The following RALY variants were observed in gnomAD, a reference collection of about 807,000 sequenced individuals.
RALY encodes the protein RNA-binding protein Raly.
Under a neutral mutation model 30.7 loss-of-function variants are expected in RALY, and 15 were observed. The ratio of observed to expected loss-of-function variants is 0.49; its 90% CI spans 0.33 to 0.75. The LOEUF is 0.75. Ranked by LOEUF, RALY falls within the 30% of genes least tolerant of loss-of-function variation. The probability of loss-of-function intolerance (pLI) is 0.02; values close to 1 mark genes in which losing one functional copy is unlikely to be tolerated. For synonymous variants in RALY, 177 were observed against 170.8 expected (o/e 1.04, Z -0.28); for missense variants, 339 against 414.3 (o/e 0.82, Z 1.58).
At chr20:34,029,478 AAGGGAGGGAGGGAGGG>A (rs3831778) in intron 1 of RALY, among the ~76,000 whole-genome samples, 17 of 56,182 alleles carry the variant, frequency 3.0e-4, no homozygotes, top group South Asian at 2.7e-3. Flanking sequence ...GGAGGGAGGA[AAGGGAGGGAGGGAGGG>A]AGGGAGGGAG....
chr20:34,025,686 TAA>T (rs1333077710), intron 1 of RALY, among the ~76,000 whole-genome samples: 90 of 144,842 alleles, frequency 6.2e-4, no homozygotes, highest in African/African-American at 2.0e-3. Context: ...CATGCTATTT[TAA>T]AAAAAAAAAA....
At chr20:34,039,370 T>C (rs1163801751) in intron 2 of RALY, among the ~76,000 whole-genome samples, 2 of 152,216 alleles carry the variant, frequency 1.3e-5, no homozygotes, top group Non-Finnish European at 2.9e-5. Flanking sequence ...AGGACCCAGA[T>C]TGTGCTCTAT....
intron 2 of RALY, among the ~76,000 whole-genome samples, chr20:34,059,249 G>A (rs2033346575): frequency 6.6e-6 from 1 of 152,196 alleles, no homozygotes; most frequent in Non-Finnish European, 1.5e-5. Context: ...GAGAAGGATT[G>A]TTGTAATGAG....
At chr20:34,045,184 G>C (rs1174551404) in intron 2 of RALY, among the ~76,000 whole-genome samples, 1 of 152,054 alleles carries the variant, frequency 6.6e-6, no homozygotes, top group African/African-American at 2.4e-5. Context: ...CAAAATGTTG[G>C]GATTACAGGT....
chr20:34,061,729 ATCT>A (rs1221598553), intron 2 of RALY, among the ~76,000 whole-genome samples: 1 of 152,220 alleles, frequency 6.6e-6, no homozygotes, highest in Non-Finnish European at 1.5e-5. Context: ...GTATTATTTA[ATCT>A]TCTCCACAAT....
chr20:34,077,746 G>A (rs2033935467), intron 8 of RALY: 1 of 219,122 alleles, frequency 4.6e-6, no homozygotes, highest in Non-Finnish European at 9.2e-6. Context: ...GTGGGAGGGT[G>A]GACCAAACTC....
chr20:34,039,169 A>G (rs1216368805), intron 2 of RALY, among the ~76,000 whole-genome samples: 2 of 152,238 alleles, frequency 1.3e-5, no homozygotes, highest in African/African-American at 4.8e-5. Context: ...TTAAGCCTGC[A>G]GCAGGAACAG....
intron 2 of RALY, among the ~76,000 whole-genome samples, chr20:34,061,060 G>A (rs773997567): frequency 2.6e-5 from 4 of 152,186 alleles, no homozygotes; most frequent in Non-Finnish European, 5.9e-5. Flanking sequence ...GACAGAAAAT[G>A]AGAAAACCTT....
At chr20:34,037,700 G>A (rs1445240777) in intron 2 of RALY, among the ~76,000 whole-genome samples, 1 of 152,214 alleles carries the variant, frequency 6.6e-6, no homozygotes, top group Admixed American at 6.5e-5. Flanking sequence ...CCATTGGATA[G>A]TGTACAAATG....
At chr20:34,064,825 T>A (rs1233528204) in intron 2 of RALY, among the ~76,000 whole-genome samples, 1 of 152,192 alleles carries the variant, frequency 6.6e-6, no homozygotes, top group Non-Finnish European at 1.5e-5. Context: ...ACTCATATTA[T>A]CTCCAGTTCT....
Position 34,051,180 on chromosome 20 carries a change from G to A in RALY, c.-10+19576G>A, listed in dbSNP as rs568946521. 7.9e-5 allele frequency among the ~76,000 whole-genome samples: 12 copies of A among 152,230 alleles called. No homozygotes were observed. In the East Asian group the frequency reaches 2.3e-3, roughly 29 times the overall value. ...TACGTGTTACTGCTTTTGAACCTTA[G>A]AGCAACTCTGTGAGGGAAGCAGTGT... On this transcript the variant is annotated intron_variant, in intron 2 of 9. Coordinates refer to ENST00000246194, the MANE Select transcript of RALY (RefSeq NM_016732.3).
chr20:34,040,110 CAA>C (rs796083288), intron 2 of RALY, among the ~76,000 whole-genome samples: 1 of 134,830 alleles, frequency 7.4e-6, no homozygotes, highest in African/African-American at 2.7e-5. Flanking sequence ...GACCCCATCT[CAA>C]AAAAAAAAAA....
At chr20:34,072,955 TGTGTGA>T (rs1200603380) in intron 3 of RALY, among the ~76,000 whole-genome samples, 7 of 118,072 alleles carry the variant, frequency 5.9e-5, no homozygotes, top group African/African-American at 1.2e-4. Context: ...TGTGTGTGTG[TGTGTGA>T]GAGAGAGAAC....
intron 1 of RALY, among the ~76,000 whole-genome samples, chr20:34,014,780 T>G (rs894593258): frequency 9.8e-5 from 15 of 152,362 alleles, no homozygotes; most frequent in African/African-American, 3.4e-4. Context: ...TAGTCTTACA[T>G]TTAAACTTTT....
chr20:34,069,888 C>A (rs1265036138), intron 2 of RALY, among the ~76,000 whole-genome samples: 2 of 152,146 alleles, frequency 1.3e-5, no homozygotes, highest in Non-Finnish European at 2.9e-5. Context: ...ACCCTCTCAG[C>A]CCCTTTCCTT....
rs144571226 is a variant in RALY, at chr20:34,016,098, C to T, written c.-92-15424C>T. Among the ~76,000 whole-genome samples the T allele has an allele frequency of 5.8e-3, 885 of 152,316 alleles. 6 individuals are homozygous for T. The highest frequency in any genetic ancestry group is 9.0e-3 in the Non-Finnish European group (610 of 68,030). ...CTGCGCACAAGTCCTCCCCTCCACACATGCCCACATAATCTCTGCCCGTGC... is the reference window on the plus strand; with the variant it reads ...CTGCGCACAAGTCCTCCCCTCCACATATGCCCACATAATCTCTGCCCGTGC... On this transcript the variant is annotated intron_variant, in intron 1 of 9. Transcript: ENST00000246194.
At chr20:34,007,859 T>C (rs1043558166) in intron 1 of RALY, among the ~76,000 whole-genome samples, 5 of 150,030 alleles carry the variant, frequency 3.3e-5, no homozygotes, top group Non-Finnish European at 7.4e-5. Context: ...GGGCCTTAGC[T>C]TCTTTGTGAC....
intron 2 of RALY, among the ~76,000 whole-genome samples, chr20:34,035,544 A>G (rs2032462991): frequency 6.6e-6 from 1 of 151,888 alleles, no homozygotes; most frequent in South Asian, 2.1e-4. Context: ...GATATCCTAC[A>G]TTGGCTCTTT....
Position 34,076,575 on chromosome 20 carries a change from G to A in RALY, c.545-127G>A, listed in dbSNP as rs993908818. 5.1e-6 allele frequency: 4 copies of A among 779,146 alleles called. No individual in the cohort carries two copies. In the African/African-American group the frequency reaches 7.0e-5, roughly 14 times the overall value. 48.3% of individuals were successfully genotyped at this position (779,146 alleles called of 1,614,324 possible). A position where few individuals can be genotyped will look rare whatever the true frequency, so the allele number is the denominator to read the frequency against. On this transcript the variant is annotated intron_variant, in intron 6 of 9. Transcript: ENST00000246194. ...TCTAAGGAGGAGACCTTTTTCCTAA[G>A]CAGGGAAAAAACAAAACAAAACAAA...
Sources: gnomAD v4.1 joint callset for allele counts (sites outside exome capture counted in the v4.1 genomes callset) on GRCh38, gnomAD v4.1.1 for gene constraint, MANE v1.5 for transcripts, NCBI Gene and HGNC (gene_info 2026-07-23, HGNC 2026-07-21) for gene names.